Variants in TRHDE observed in about 807,000 individuals in gnomAD.
TRHDE encodes thyrotropin-releasing hormone-degrading ectoenzyme.
In TRHDE, 72 loss-of-function variants were observed where a neutral mutation model predicts 125.7. The ratio of observed to expected loss-of-function variants is 0.57; its 90% CI spans 0.47 to 0.70. The LOEUF is 0.70. TRHDE is among the 30% of genes least tolerant of loss of function. The pLI is 0.00. For synonymous variants in TRHDE, 509 were observed against 509.1 expected, an observed-to-expected ratio of 1.00 and a Z score of 0.00; for missense variants, 1,110 against 1,327.1, an observed-to-expected ratio of 0.84 and a Z score of 2.54.
intron 2 of TRHDE, among the ~76,000 whole-genome samples, chr12:72,200,091 A>T (rs1216817862): frequency 6.6e-6 from 1 of 152,224 alleles, no homozygotes; most frequent in Non-Finnish European, 1.5e-5. Flanking sequence ...CCTCAAGTGA[A>T]TAAATAGTGA....
intron 15 of TRHDE, among the ~76,000 whole-genome samples, chr12:72,643,832 C>T (rs1218829334): frequency 6.6e-6 from 1 of 152,086 alleles, no homozygotes; most frequent in African/African-American, 2.4e-5. Flanking sequence ...CAACATCAAA[C>T]ATTTATCAAA....
intron 12 of TRHDE, among the ~76,000 whole-genome samples, chr12:72,605,511 G>A (rs968438826): frequency 5.9e-5 from 9 of 152,020 alleles, no homozygotes; most frequent in Non-Finnish European, 8.8e-5. Flanking sequence ...TATTTTAGAG[G>A]ATACTAAAGT....
intron 2 of TRHDE, among the ~76,000 whole-genome samples, chr12:72,249,649 G>T (rs1391589885): frequency 2.0e-5 from 3 of 152,112 alleles, no homozygotes; most frequent in South Asian, 2.1e-4. Flanking sequence ...ACAATAAAAA[G>T]AATAAGCAAG....
chr12:72,562,606 A>G (rs987846525), intron 8 of TRHDE, among the ~76,000 whole-genome samples: 7 of 152,048 alleles, frequency 4.6e-5, no homozygotes, highest in African/African-American at 1.7e-4. Flanking sequence ...GATTTGCTTT[A>G]ATAATAACAT....
intron 2 of TRHDE, among the ~76,000 whole-genome samples, chr12:72,164,935 G>A (rs1013463840): frequency 1.3e-5 from 2 of 152,086 alleles, no homozygotes; most frequent in African/African-American, 4.8e-5. Context: ...TGCCATACAG[G>A]GTCATTCTAA....
At chr12:72,132,957 G>A (rs1184632377) in intron 2 of TRHDE, among the ~76,000 whole-genome samples, 2 of 152,168 alleles carry the variant, frequency 1.3e-5, no homozygotes, top group African/African-American at 4.8e-5. Context: ...CATGGAGATG[G>A]AAAGAGAAGG....
intron 10 of TRHDE, among the ~76,000 whole-genome samples, chr12:72,575,041 A>G (rs189106629): frequency 9.2e-5 from 14 of 152,260 alleles, no homozygotes; most frequent in Non-Finnish European, 2.9e-5. Context: ...TAATTATAAG[A>G]AAACAATTAA....
At position 72,272,816 on chromosome 12, in the gene TRHDE, G is replaced by A. The variant is rs1433400109; in HGVS notation, c.173G>A (p.Arg58Lys). Residue 58 changes from arginine (R) to lysine (K), a missense_variant, in exon 1 of 19, where the codon AGG becomes AAG. Physicochemically the swap from Arg to Lys is conservative, Grantham distance 26. Transcript: ENST00000261180. The surrounding 1 kb of genome is among the most constrained non-coding windows in gnomAD (Gnocchi z 6.7). ...EDDAALRAGS[R>K]GLSDPWADSV... ...GACGCCGCGCTTCGGGCTGGCAGCA[G>A]GGGGCTCTCCGACCCGTGGGCAGAC... The A allele has an allele frequency of 6.4e-7, 1 of 1,573,668 alleles. No individual in the cohort carries two copies. The highest frequency in any genetic ancestry group is 1.7e-5 in the Admixed American group (1 of 58,402).
At chr12:72,645,813 T>C (rs958575163) in intron 15 of TRHDE, among the ~76,000 whole-genome samples, 4 of 152,116 alleles carry the variant, frequency 2.6e-5, no homozygotes, top group African/African-American at 9.7e-5. Flanking sequence ...TGGGATGATA[T>C]ATTCAAAATG....
At chr12:72,498,963 ATGTGTGTG>A (rs72163048) in intron 5 of TRHDE, among the ~76,000 whole-genome samples, 2 of 147,166 alleles carry the variant, frequency 1.4e-5, no homozygotes, top group African/African-American at 5.0e-5. Context: ...CAGAAAATAA[ATGTGTGTG>A]TGTGTGTGTG....
intron 3 of TRHDE, among the ~76,000 whole-genome samples, chr12:72,420,713 G>T (rs962623228): frequency 1.1e-4 from 17 of 152,134 alleles, no homozygotes; most frequent in Non-Finnish European, 1.5e-4. Context: ...ATGGTATATA[G>T]GTATGCTGTT....
Position 72,489,112 on chromosome 12 carries a change from A to G in TRHDE, c.1585-10386A>G, listed in dbSNP as rs187780179. ...GGAATTAGAAAAAGAAGACCATACA[A>G]AATCTTAAATTAGCAGGAGAAAAGA... On this transcript the variant is annotated intron_variant, in intron 5 of 18. Coordinates refer to ENST00000261180, the MANE Select transcript of TRHDE (RefSeq NM_013381.3). Among the ~76,000 whole-genome samples the G allele has an allele frequency of 5.2e-3, 795 of 151,852 alleles. 3 individuals are homozygous for G. Among genetic ancestry groups the G allele is most frequent in the Non-Finnish European group, 8.3e-3 (566 of 67,794 alleles).
intron 2 of TRHDE, among the ~76,000 whole-genome samples, chr12:72,328,710 C>T (rs1182540700): frequency 2.0e-5 from 3 of 152,070 alleles, no homozygotes; most frequent in Non-Finnish European, 2.9e-5. Context: ...CATGAAAAGA[C>T]TTGGGTGAAG....
intron 2 of TRHDE, among the ~76,000 whole-genome samples, chr12:72,155,578 T>C (rs1876484398): frequency 6.6e-6 from 1 of 152,180 alleles, no homozygotes; most frequent in Non-Finnish European, 1.5e-5. Flanking sequence ...TTGGTGTGGA[T>C]GTCCTTTCTG....
At chr12:72,484,062 A>T (rs1877297408) in intron 5 of TRHDE, among the ~76,000 whole-genome samples, 1 of 152,098 alleles carries the variant, frequency 6.6e-6, no homozygotes, top group South Asian at 2.1e-4. Flanking sequence ...ATGGTATGAG[A>T]CAGTTTCCAT....
chr12:72,486,455 A>T (rs145086908), intron 5 of TRHDE, among the ~76,000 whole-genome samples: 1 of 152,274 alleles, frequency 6.6e-6, no homozygotes, highest in Non-Finnish European at 1.5e-5. Context: ...GAAGAGAAGG[A>T]TCCCTAAAGC....
At chr12:72,151,327 T>C (rs536050765) in intron 2 of TRHDE, among the ~76,000 whole-genome samples, 1 of 152,328 alleles carries the variant, frequency 6.6e-6, no homozygotes, top group South Asian at 2.1e-4. Context: ...TGCAAAAATT[T>C]TCTCCCATTC....
At chr12:72,127,995 A>G (rs1234108106) in intron 2 of TRHDE, among the ~76,000 whole-genome samples, 1 of 152,048 alleles carries the variant, frequency 6.6e-6, no homozygotes, top group Non-Finnish European at 1.5e-5. Context: ...TGCAGAACAG[A>G]GTATTAGGAG....
At chr12:72,292,162 T>C (rs2139435385) in intron 2 of TRHDE, among the ~76,000 whole-genome samples, 1 of 152,330 alleles carries the variant, frequency 6.6e-6, no homozygotes, top group Non-Finnish European at 1.5e-5. Context: ...GCCCTTAAGA[T>C]CTTTATAAAG....
Sources: gnomAD v4.1 joint callset for allele counts (sites outside exome capture counted in the v4.1 genomes callset) on GRCh38, gnomAD v4.1.1 for gene constraint, Gnocchi (gnomAD v3.1) non-coding constraint, MANE v1.5 for transcripts, NCBI Gene and HGNC (gene_info 2026-07-23, HGNC 2026-07-21) for gene names.